DRC11: variants seen among roughly 807,000 people sequenced by gnomAD.
DRC11 encodes the protein IQ and AAA domain-containing protein 1.
the DRC11 span, among the ~76,000 whole-genome samples, chr2:236,404,557 G>C: frequency 6.6e-6 from 1 of 152,218 alleles, no homozygotes; most frequent in South Asian, 2.1e-4. Flanking sequence ...CAACGGTGCT[G>C]GTTTAATGGT....
At chr2:236,433,023 T>A in the DRC11 span, among the ~76,000 whole-genome samples, 2 of 152,180 alleles carry the variant, frequency 1.3e-5, no homozygotes, top group Admixed American at 1.3e-4. Flanking sequence ...ATTTCCTTTT[T>A]TCCTTTCACA....
chr2:236,338,310 T>C, the DRC11 span: 3 of 1,613,970 alleles, frequency 1.9e-6, no homozygotes, highest in Admixed American at 5.0e-5. Flanking sequence ...GTCCCCACAA[T>C]CAGAATCCGG....
the DRC11 span, among the ~76,000 whole-genome samples, chr2:236,465,341 A>T: frequency 3.9e-5 from 6 of 152,132 alleles, no homozygotes; most frequent in Non-Finnish European, 8.8e-5. The surrounding 1 kb of genome is among the most constrained non-coding windows in gnomAD (Gnocchi z 6.2). Context: ...TTCCATATTT[A>T]AAAAAATTAA....
At chr2:236,325,846 G>T in the DRC11 span, among the ~76,000 whole-genome samples, 39 of 152,240 alleles carry the variant, frequency 2.6e-4, no homozygotes, top group African/African-American at 7.9e-4. The surrounding 1 kb of genome is among the most constrained non-coding windows in gnomAD (Gnocchi z 4.4). Flanking sequence ...CAAGTGATCT[G>T]CCCGTCTCGG....
chr2:236,394,597 G>A, the DRC11 span, among the ~76,000 whole-genome samples: 8 of 151,638 alleles, frequency 5.3e-5, no homozygotes, highest in South Asian at 2.1e-4. This position sits in a 1 kb window ranked among gnomAD's most constrained non-coding sequence, Gnocchi z 7.0. Context: ...CAGCCTAGGC[G>A]ACAGAGCGAG....
the DRC11 span, among the ~76,000 whole-genome samples, chr2:236,479,443 G>T: frequency 1.3e-5 from 2 of 151,802 alleles, no homozygotes; most frequent in African/African-American, 4.8e-5. This position sits in a 1 kb window ranked among gnomAD's most constrained non-coding sequence, Gnocchi z 4.1. Flanking sequence ...TTTGTGTTTA[G>T]GTGATTTTCT....
the DRC11 span, among the ~76,000 whole-genome samples, chr2:236,433,264 C>T: frequency 6.6e-6 from 1 of 152,106 alleles, no homozygotes; most frequent in South Asian, 2.1e-4. Context: ...TTTGGTCATC[C>T]TCCCTGCCTC....
At chr2:236,498,461 T>C in the DRC11 span, among the ~76,000 whole-genome samples, 1 of 126,990 alleles carries the variant, frequency 7.9e-6, no homozygotes, top group Admixed American at 7.4e-5. Flanking sequence ...GAGACTGTCT[T>C]AAAAAAAAAA....
the DRC11 span, chr2:236,363,788 C>T: frequency 1.2e-6 from 2 of 1,611,474 alleles, no homozygotes; most frequent in African/African-American, 1.3e-5. The surrounding 1 kb of genome is among the most constrained non-coding windows in gnomAD (Gnocchi z 5.6). Context: ...ACCTTGAAGA[C>T]TGCATGCAGC....
chr2:236,493,507 A>G, the DRC11 span, among the ~76,000 whole-genome samples: 1 of 152,232 alleles, frequency 6.6e-6, no homozygotes, highest in Non-Finnish European at 1.5e-5. Context: ...CTGCGTTGAT[A>G]ATCAACAGAT....
the DRC11 span, among the ~76,000 whole-genome samples, chr2:236,469,560 G>GT: frequency 7.9e-5 from 12 of 152,180 alleles, no homozygotes; most frequent in Admixed American, 7.9e-4. This position sits in a 1 kb window ranked among gnomAD's most constrained non-coding sequence, Gnocchi z 5.8. Flanking sequence ...CTTTAGTGCT[G>GT]TGTTTCTCCT....
chr2:236,433,673 C>T, the DRC11 span, among the ~76,000 whole-genome samples: 1 of 152,114 alleles, frequency 6.6e-6, no homozygotes, highest in Non-Finnish European at 1.5e-5. Context: ...TTAGTTTATT[C>T]TCTTTGCTTT....
the DRC11 span, among the ~76,000 whole-genome samples, chr2:236,438,952 C>T: frequency 7.4e-5 from 11 of 149,354 alleles, no homozygotes; most frequent in South Asian, 2.2e-3. Flanking sequence ...ACTGAACAAC[C>T]TGCTCCTGAA....
the DRC11 span, among the ~76,000 whole-genome samples, chr2:236,447,073 T>C: frequency 3.7e-3 from 564 of 151,578 alleles, 18 homozygotes; most frequent in African/African-American, 0.013. This position sits in a 1 kb window ranked among gnomAD's most constrained non-coding sequence, Gnocchi z 4.6. Context: ...CCCAGCCTCC[T>C]CCAGTGACTC....
the DRC11 span, among the ~76,000 whole-genome samples, chr2:236,336,209 T>C: frequency 2.6e-5 from 4 of 152,176 alleles, no homozygotes; most frequent in Admixed American, 2.0e-4. The surrounding 1 kb of genome is among the most constrained non-coding windows in gnomAD (Gnocchi z 7.3). Flanking sequence ...TAAGCACATG[T>C]TGCAAACACA....
chr2:236,444,187 A>G, the DRC11 span, among the ~76,000 whole-genome samples: 1 of 152,140 alleles, frequency 6.6e-6, no homozygotes, highest in Non-Finnish European at 1.5e-5. Context: ...GAAACTCTTT[A>G]GTTTAATTAG....
chr2:236,416,713 ATATATATT>A, the DRC11 span, among the ~76,000 whole-genome samples: 53 of 81,850 alleles, frequency 6.5e-4, no homozygotes, highest in African/African-American at 1.2e-3. Context: ...ATTTACATAT[ATATATATT>A]TATATATATA....
chr2:236,490,938 GAGTGTGTATATATA>G, the DRC11 span, among the ~76,000 whole-genome samples: 146 of 136,466 alleles, frequency 1.1e-3, 3 homozygotes, highest in African/African-American at 4.7e-3. This position sits in a 1 kb window ranked among gnomAD's most constrained non-coding sequence, Gnocchi z 5.5. Flanking sequence ...GTATATATAT[GAGTGTGTATATATA>G]TGTGTGTATA....
the DRC11 span, among the ~76,000 whole-genome samples, chr2:236,371,445 T>C: frequency 6.6e-6 from 1 of 152,172 alleles, no homozygotes; most frequent in Non-Finnish European, 1.5e-5. This position sits in a 1 kb window ranked among gnomAD's most constrained non-coding sequence, Gnocchi z 5.1. Context: ...AGCAGTGTGC[T>C]TTCCAGAGGC....
Sources: gnomAD v4.1 joint callset for allele counts (sites outside exome capture counted in the v4.1 genomes callset) on GRCh38, gnomAD v4.1.1 for gene constraint, Gnocchi (gnomAD v3.1) non-coding constraint, MANE v1.5 for transcripts, NCBI Gene and HGNC (gene_info 2026-07-23, HGNC 2026-07-21) for gene names.